The following NPHP4 variants were observed in gnomAD, a reference collection of about 807,000 sequenced individuals.
NPHP4 encodes nephrocystin-4.
A neutral mutation model predicts 155.8 loss-of-function variants in NPHP4; 151 were observed. The ratio of observed to expected loss-of-function variants is 0.97; its 90% CI spans 0.85 to 1.11. NPHP4 has a LOEUF of 1.11. Among genes scored for constraint, NPHP4 ranks in the 50% least tolerant of loss-of-function variants. The probability of loss-of-function intolerance (pLI) is 0.00; values close to 1 mark genes in which losing one functional copy is unlikely to be tolerated. For synonymous variants in NPHP4, 845 were observed against 816.8 expected (o/e 1.03, Z -0.59); for missense variants, 1,956 against 1,925.7 (o/e 1.02, Z -0.29).
At chr1:5,927,548 A>G in intron 11 of NPHP4, 101 bp downstream of exon 11, 1 of 1,260,368 alleles carries the variant, frequency 7.9e-7, no homozygotes, top group Non-Finnish European at 1.1e-6. Flanking sequence ...TTATCTTACA[A>G]ATGTGGTGAT....
At chr1:5,978,151 A>G in intron 3 of NPHP4, 119 bp downstream of exon 3, 2 of 920,910 alleles carry the variant, frequency 2.2e-6, no homozygotes, top group South Asian at 3.3e-5. Context: ...CTGGACCCAC[A>G]AGTCTGAGAC....
In NPHP4 at chr1:5,986,175, C is replaced by T. The variant is rs1037735676; in HGVS notation, c.115G>A (p.Asp39Asn). ...GTTACCTGCCTAATTACCGGTCCGT[C>T]CAGCCACTTGAGGACACACTGGAAT... is the stretch of plus-strand genomic sequence containing the variant. ...TAFQCVLKWL[D>N]GPVIRQGVLE... The change falls in exon 2 of 30, where the codon GAC (aspartate) becomes AAC (asparagine). Residue 39 changes from aspartate (D) to asparagine (N), a missense_variant. Asp to Asn is a conservative substitution (Grantham distance 23). Coordinates refer to ENST00000378156, the MANE Select transcript of NPHP4 (RefSeq NM_015102.5). 6.2e-7 allele frequency: 1 copy of T among 1,613,920 alleles called. No individual in the cohort carries two copies. Among genetic ancestry groups the T allele is most frequent in the Admixed American group, 1.7e-5 (1 of 60,014 alleles).
intron 11 of NPHP4, among the ~76,000 whole-genome samples, chr1:5,920,530 G>C (rs1014291781): frequency 4.4e-4 from 67 of 152,120 alleles, no homozygotes; most frequent in African/African-American, 1.6e-3. Flanking sequence ...AACCACAATG[G>C]CAGTGGCATG....
At chr1:5,948,031 C>G in intron 8 of NPHP4, 39 bp downstream of exon 8, 2 of 1,519,142 alleles carry the variant, frequency 1.3e-6, no homozygotes, top group Non-Finnish European at 1.8e-6. Context: ...TGATCCCTTG[C>G]ACATCCCCAC....
intron 18 of NPHP4, among the ~76,000 whole-genome samples, chr1:5,884,635 G>A (rs111534453): frequency 0.032 from 366 of 11,572 alleles, 17 homozygotes; most frequent in Middle Eastern, 0.071. Flanking sequence ...CCGAGCCCCC[G>A]TCCTACTCCA....
At chr1:5,872,676 A>C (rs1342175593) in intron 23 of NPHP4, among the ~76,000 whole-genome samples, 1 of 152,190 alleles carries the variant, frequency 6.6e-6, no homozygotes, top group African/African-American at 2.4e-5. Flanking sequence ...GCAATGTGTA[A>C]GAAAGACCAA....
In NPHP4 at chr1:5,867,487, C is replaced by T. The variant is rs763682455; in HGVS notation, c.3472+253G>A. 2.3e-5 allele frequency: 13 copies of T among 574,188 alleles called. No individual in the cohort carries two copies. Among genetic ancestry groups the T allele is most frequent in the Non-Finnish European group, 4.0e-5 (13 of 322,114 alleles). The allele number at this position is 574,188 out of a possible 1,614,324, so 35.6% of individuals were successfully genotyped here. A position where few individuals can be genotyped will look rare whatever the true frequency, so the allele number is the denominator to read the frequency against. On this transcript the variant is annotated intron_variant, in intron 24 of 29. Transcript: ENST00000378156. The surrounding 1 kb of genome is among the most constrained non-coding windows in gnomAD (Gnocchi z 4.1). ...AGGTGTTCCTCCAGGCACACCTGGA[C>T]CTGGGCCGCGGGAGCTGGGATTTTT...
intron 9 of NPHP4, 129 bp from the exon 10 acceptor site, chr1:5,933,458 T>C: frequency 6.9e-6 from 5 of 727,776 alleles, no homozygotes; most frequent in African/African-American, 3.5e-5. Context: ...GGATCATCAG[T>C]TGCATTTTAT....
At chr1:5,942,584 T>A (rs993562959) in intron 9 of NPHP4, among the ~76,000 whole-genome samples, 155 of 31,870 alleles carry the variant, frequency 4.9e-3, no homozygotes, top group Middle Eastern at 0.019. Context: ...AAATCATAAA[T>A]GACAAAAAAA....
intron 23 of NPHP4, among the ~76,000 whole-genome samples, chr1:5,873,043 G>A (rs147209024): frequency 4.1e-4 from 62 of 152,288 alleles, no homozygotes; most frequent in Middle Eastern, 3.4e-3. Flanking sequence ...AGGCATTTCC[G>A]ACCAGATACC....
At chr1:5,906,304 C>T (rs539607582) in intron 13 of NPHP4, among the ~76,000 whole-genome samples, 1 of 152,338 alleles carries the variant, frequency 6.6e-6, no homozygotes, top group South Asian at 2.1e-4. Context: ...ACTCGTATTC[C>T]ACCTCCACTC....
chr1:5,875,169 C>T, intron 20 of NPHP4, 69 bp from the exon 21 acceptor site: 1 of 1,169,728 alleles, frequency 8.5e-7, no homozygotes, highest in Non-Finnish European at 1.2e-6. Context: ...CTATTGCTGG[C>T]TGCCCACCAC....
At chr1:5,868,047 C>A (rs1641447191) in intron 23 of NPHP4, 151 bp from the exon 24 acceptor site, 1 of 853,888 alleles carries the variant, frequency 1.2e-6, no homozygotes, top group Admixed American at 2.0e-5. Context: ...TCGTCAAAGG[C>A]AGGGACTGAG....
chr1:5,879,724 A>T, intron 19 of NPHP4: 1 of 424,982 alleles, frequency 2.4e-6, no homozygotes, highest in East Asian at 6.1e-5. Flanking sequence ...GCATATGGAC[A>T]GCACAGTCCT....
Position 5,867,390 on chromosome 1 carries a change from T to C in NPHP4, c.3473-275A>G. 1.8e-6 allele frequency: 1 copy of C among 542,502 alleles called. No individual in the cohort carries two copies. Among genetic ancestry groups the C allele is most frequent in the East Asian group, 3.1e-5 (1 of 32,598 alleles). 33.6% of individuals were successfully genotyped at this position (542,502 alleles called of 1,614,324 possible). On this transcript the variant is annotated intron_variant, in intron 24 of 29. Coordinates refer to ENST00000378156, the MANE Select transcript of NPHP4 (RefSeq NM_015102.5). This position sits in a 1 kb window ranked among gnomAD's most constrained non-coding sequence, Gnocchi z 4.1. ...CCACAAAAAAGAAAACACAGCTCCC[T>C]GGAGCAGGGAAGCCTGCACTCTGCT...
chr1:5,871,145 A>G (rs11121790), intron 23 of NPHP4, among the ~76,000 whole-genome samples: 19,716 of 152,266 alleles, frequency 0.13, 1,596 homozygotes, highest in Non-Finnish European at 0.18. Context: ...CGAGGCAAAC[A>G]TGGCAAAGGT....
chr1:5,873,157 C>T, intron 23 of NPHP4, 95 bp downstream of exon 23: 1 of 1,094,962 alleles, frequency 9.1e-7, no homozygotes, highest in Non-Finnish European at 1.4e-6. Flanking sequence ...TGGCCCCAGC[C>T]CTCCCCTCCA....
chr1:5,868,836 AC>A (rs1641601289), intron 23 of NPHP4, among the ~76,000 whole-genome samples: 1 of 143,314 alleles, frequency 7.0e-6, no homozygotes, highest in Non-Finnish European at 1.5e-5. Flanking sequence ...GCACACACGC[AC>A]CCACACACGC....
intron 9 of NPHP4, among the ~76,000 whole-genome samples, chr1:5,936,961 G>C (rs963444184): frequency 5.3e-5 from 8 of 152,142 alleles, no homozygotes; most frequent in African/African-American, 1.9e-4. Context: ...AGGGGAGAGA[G>C]AGACAGACAC....
Sources: gnomAD v4.1 joint callset for allele counts (sites outside exome capture counted in the v4.1 genomes callset) on GRCh38, gnomAD v4.1.1 for gene constraint, Gnocchi (gnomAD v3.1) non-coding constraint, MANE v1.5 for transcripts, NCBI Gene and HGNC (gene_info 2026-07-23, HGNC 2026-07-21) for gene names.